MGAT4C: variants seen among roughly 807,000 people sequenced by gnomAD.
MGAT4C encodes MGAT4 family member C, also known as alpha-1,3-mannosyl-glycoprotein 4-beta-N-acetylglucosaminyltransferase C.
A neutral mutation model predicts 40.1 loss-of-function variants in MGAT4C; 19 were observed. The ratio of observed to expected loss-of-function variants is 0.47; its 90% CI spans 0.33 to 0.70. The LOEUF (loss-of-function observed/expected upper bound fraction) is 0.70. MGAT4C is among the 30% of genes least tolerant of loss of function. The probability of loss-of-function intolerance (pLI) is 0.02; values close to 1 mark genes in which losing one functional copy is unlikely to be tolerated. For missense variants in MGAT4C, 491 were observed against 563.2 expected, an observed-to-expected ratio of 0.87 and a Z score of 1.30; for synonymous variants, 181 against 187.1, an observed-to-expected ratio of 0.97 and a Z score of 0.27.
At chr12:86,361,501 T>G (rs906218012) in intron 3 of MGAT4C, among the ~76,000 whole-genome samples, 7 of 152,130 alleles carry the variant, frequency 4.6e-5, no homozygotes, top group Admixed American at 3.3e-4. Context: ...CTAATTAAAC[T>G]AAACAGCTTC....
intron 2 of MGAT4C, among the ~76,000 whole-genome samples, chr12:86,719,642 T>C (rs767975325): frequency 6.6e-6 from 1 of 152,116 alleles, no homozygotes; most frequent in Non-Finnish European, 1.5e-5. Flanking sequence ...CATCCTTCCT[T>C]TTACATAAGA....
At chr12:86,234,063 A>T (rs573217279) in intron 1 of MGAT4C, among the ~76,000 whole-genome samples, 1 of 152,312 alleles carries the variant, frequency 6.6e-6, no homozygotes, top group East Asian at 1.9e-4. Context: ...TAGTAGCAAT[A>T]GTAATAACAA....
At chr12:86,085,835 A>G (rs1871717793) in intron 1 of MGAT4C, among the ~76,000 whole-genome samples, 1 of 152,170 alleles carries the variant, frequency 6.6e-6, no homozygotes, top group Non-Finnish European at 1.5e-5. Flanking sequence ...CAAAACCACA[A>G]TGAGATACCA....
intron 4 of MGAT4C, among the ~76,000 whole-genome samples, chr12:86,273,938 T>C (rs149548545): frequency 6.6e-6 from 1 of 152,356 alleles, no homozygotes; most frequent in Non-Finnish European, 1.5e-5. Context: ...AAATACCATG[T>C]AATTTATAAA....
At chr12:86,835,870 A>AAC (rs1417713066) in intron 1 of MGAT4C, among the ~76,000 whole-genome samples, 1 of 151,388 alleles carries the variant, frequency 6.6e-6, no homozygotes, top group African/African-American at 2.4e-5. Flanking sequence ...CACACACACA[A>AAC]ACACACACAC....
intron 1 of MGAT4C, among the ~76,000 whole-genome samples, chr12:86,747,488 AT>A (rs1041190072): frequency 8.6e-5 from 13 of 151,696 alleles, no homozygotes; most frequent in Non-Finnish European, 1.2e-4. Context: ...TTAAAATTGT[AT>A]TTTTTCTAAG....
At chr12:86,050,135 C>T (rs1034999824) in intron 1 of MGAT4C, among the ~76,000 whole-genome samples, 2 of 151,942 alleles carry the variant, frequency 1.3e-5, no homozygotes, top group African/African-American at 2.4e-5. Context: ...TATCACTGAA[C>T]TTCACTTCAC....
chr12:86,568,971 G>A (rs1005978311), intron 2 of MGAT4C, among the ~76,000 whole-genome samples: 2 of 151,716 alleles, frequency 1.3e-5, no homozygotes, highest in Non-Finnish European at 2.9e-5. Flanking sequence ...AACTAAAAAG[G>A]CGCTTCCATT....
chr12:86,515,093 G>A (rs554776327), intron 2 of MGAT4C, among the ~76,000 whole-genome samples: 70 of 152,284 alleles, frequency 4.6e-4, no homozygotes, highest in African/African-American at 1.6e-3. Context: ...TGGGAATCAG[G>A]ATGTGGATAT....
chr12:86,506,815 A>T (rs894290845), intron 2 of MGAT4C, among the ~76,000 whole-genome samples: 2 of 152,180 alleles, frequency 1.3e-5, no homozygotes, highest in Admixed American at 1.3e-4. Context: ...TAGCGTTCAA[A>T]GATGGCTGTA....
At chr12:86,676,392 T>C (rs1366315479) in intron 2 of MGAT4C, among the ~76,000 whole-genome samples, 1 of 152,174 alleles carries the variant, frequency 6.6e-6, no homozygotes, top group Non-Finnish European at 1.5e-5. Context: ...GCCAAGGATT[T>C]TACATTTTTT....
chr12:86,370,624 C>T (rs563830951), intron 3 of MGAT4C, among the ~76,000 whole-genome samples: 10 of 152,080 alleles, frequency 6.6e-5, no homozygotes, highest in South Asian at 2.1e-4. Context: ...AAGATTGTTA[C>T]GAAAGCAAAA....
intron 1 of MGAT4C, among the ~76,000 whole-genome samples, chr12:86,810,827 T>G (rs1436701464): frequency 6.6e-6 from 1 of 152,056 alleles, no homozygotes; most frequent in East Asian, 1.9e-4. Flanking sequence ...CTTTGTCAAT[T>G]TTGGTATTAC....
intron 2 of MGAT4C, among the ~76,000 whole-genome samples, chr12:85,995,807 G>T (rs188289378): frequency 3.7e-4 from 57 of 152,276 alleles, no homozygotes; most frequent in Non-Finnish European, 6.2e-4. Context: ...GGTCAAGCCT[G>T]CATGCAGTGA....
chr12:86,098,166 T>C (rs1874296326), intron 1 of MGAT4C, among the ~76,000 whole-genome samples: 2 of 151,746 alleles, frequency 1.3e-5, no homozygotes, highest in East Asian at 3.8e-4. Context: ...AAGATGACAA[T>C]GTTCCTATGA....
chr12:86,768,047 T>A (rs1951549110), intron 1 of MGAT4C, among the ~76,000 whole-genome samples: 1 of 151,896 alleles, frequency 6.6e-6, no homozygotes, highest in African/African-American at 2.4e-5. Context: ...AAATAAAGAG[T>A]ATTCAATTAG....
chr12:86,355,233 C>T (rs1044336336), intron 3 of MGAT4C, among the ~76,000 whole-genome samples: 1 of 152,180 alleles, frequency 6.6e-6, no homozygotes, highest in African/African-American at 2.4e-5. Context: ...GTGCATTTTA[C>T]AATCCTACCT....
At chr12:86,299,735 G>A (rs1953765805) in intron 4 of MGAT4C, among the ~76,000 whole-genome samples, 1 of 151,840 alleles carries the variant, frequency 6.6e-6, no homozygotes. Flanking sequence ...ATTTGCTTTG[G>A]GACAATATGC....
At chr12:86,778,162 G>A (rs1002733594) in intron 1 of MGAT4C, among the ~76,000 whole-genome samples, 4 of 152,048 alleles carry the variant, frequency 2.6e-5, no homozygotes, top group African/African-American at 4.8e-5. Flanking sequence ...TAAGCAAGAC[G>A]AAAGATAAGG....
Sources: allele counts gnomAD v4.1 joint callset (sites outside exome capture counted in the v4.1 genomes callset), GRCh38; gene constraint gnomAD v4.1.1; transcripts MANE v1.5; gene names NCBI Gene and HGNC (gene_info 2026-07-23, HGNC 2026-07-21).